Variants in ADORA2B observed in about 807,000 individuals in gnomAD.
ADORA2B encodes the protein adenosine A2b receptor, also known as adenosine receptor A2b.
In ADORA2B, 18 loss-of-function variants were observed where a neutral mutation model predicts 20.8. The ratio of observed to expected loss-of-function variants is 0.87; its 90% CI spans 0.60 to 1.29. The LOEUF (loss-of-function observed/expected upper bound fraction) is 1.29. Ranked by LOEUF, ADORA2B falls within the 50% of genes most tolerant of loss-of-function variation. The probability of loss-of-function intolerance (pLI) is 0.00; values close to 1 mark genes in which losing one functional copy is unlikely to be tolerated. For missense variants in ADORA2B, 441 were observed against 422.7 expected (o/e 1.04, Z -0.38); for synonymous variants, 179 against 178.3 (o/e 1.00, Z -0.03).
At chr17:15,922,486 C>G in the ADORA2B span, among the ~76,000 whole-genome samples, 1 of 152,006 alleles carries the variant, frequency 6.6e-6, no homozygotes, top group Non-Finnish European at 1.5e-5. Context: ...TTAGGGTAGC[C>G]ATAAAACCAA....
intron 1 of ADORA2B, among the ~76,000 whole-genome samples, chr17:15,949,571 C>T (rs1018308507): frequency 2.6e-5 from 4 of 151,674 alleles, no homozygotes; most frequent in Non-Finnish European, 4.4e-5. Flanking sequence ...TGGTAATGTT[C>T]GAAATAAAGC....
the ADORA2B span, among the ~76,000 whole-genome samples, chr17:15,867,557 C>G: frequency 6.6e-6 from 1 of 150,556 alleles, no homozygotes; most frequent in African/African-American, 2.5e-5. Flanking sequence ...GGCAGCCACC[C>G]CGTCCGGGAG....
At chr17:15,953,605 A>G (rs1969932852) in intron 1 of ADORA2B, among the ~76,000 whole-genome samples, 1 of 151,732 alleles carries the variant, frequency 6.6e-6, no homozygotes, top group East Asian at 1.9e-4. Context: ...TTATGTTTTG[A>G]TTTTTTTCCT....
At chr17:15,876,466 T>C in the ADORA2B span, among the ~76,000 whole-genome samples, 1 of 113,708 alleles carries the variant, frequency 8.8e-6, no homozygotes, top group African/African-American at 4.3e-5. Context: ...TTTTTTTTTG[T>C]CATGCTAGTC....
the ADORA2B span, among the ~76,000 whole-genome samples, chr17:15,850,832 TACTC>T: frequency 2.6e-5 from 4 of 152,336 alleles, no homozygotes; most frequent in Admixed American, 2.0e-4. Flanking sequence ...GTCCAACACT[TACTC>T]ATTTCACTTT....
the ADORA2B span, among the ~76,000 whole-genome samples, chr17:15,863,250 A>C: frequency 6.6e-6 from 1 of 152,174 alleles, no homozygotes; most frequent in East Asian, 1.9e-4. Context: ...AATTAGTAAA[A>C]TCAATTTATT....
At chr17:15,962,227 C>T (rs1462942932) in intron 1 of ADORA2B, among the ~76,000 whole-genome samples, 2 of 151,950 alleles carry the variant, frequency 1.3e-5, no homozygotes, top group South Asian at 2.1e-4. Flanking sequence ...TGCTTGAACC[C>T]GGGAGGCGGA....
chr17:15,853,571 T>C, the ADORA2B span, among the ~76,000 whole-genome samples: 1 of 152,346 alleles, frequency 6.6e-6, no homozygotes, highest in East Asian at 1.9e-4. Flanking sequence ...TAGAAAATGT[T>C]GATGAGATGG....
At chr17:15,913,189 G>A in the ADORA2B span, among the ~76,000 whole-genome samples, 1 of 152,230 alleles carries the variant, frequency 6.6e-6, no homozygotes, top group Non-Finnish European at 1.5e-5. Flanking sequence ...AGCCAGAAGG[G>A]CTTGGATTCT....
At chr17:15,888,018 G>A in the ADORA2B span, among the ~76,000 whole-genome samples, 1 of 110,608 alleles carries the variant, frequency 9.0e-6, no homozygotes, top group African/African-American at 4.1e-5. Flanking sequence ...AACTTGATTT[G>A]GGAGATAATG....
chr17:15,958,470 A>G (rs539589468), intron 1 of ADORA2B, among the ~76,000 whole-genome samples: 1 of 152,324 alleles, frequency 6.6e-6, no homozygotes, highest in South Asian at 2.1e-4. Context: ...TCTTTCTGAA[A>G]TGAACCCCTG....
chr17:15,872,030 A>G, the ADORA2B span, among the ~76,000 whole-genome samples: 2 of 152,224 alleles, frequency 1.3e-5, no homozygotes, highest in African/African-American at 4.8e-5. Flanking sequence ...TGCAAAGGCT[A>G]CATCTTGTTC....
chr17:15,852,795 A>G, the ADORA2B span, among the ~76,000 whole-genome samples: 6 of 152,276 alleles, frequency 3.9e-5, 1 homozygote, highest in South Asian at 1.2e-3. Context: ...AGACAAGTTG[A>G]TAGAAATATC....
intron 1 of ADORA2B, among the ~76,000 whole-genome samples, chr17:15,966,328 C>T (rs756657113): frequency 4.6e-5 from 7 of 152,222 alleles, no homozygotes; most frequent in Admixed American, 1.3e-4. Context: ...AGGTTGGAGG[C>T]GGGTTCTGGG....
intron 1 of ADORA2B, chr17:15,974,354 C>T (rs1273180166): frequency 4.0e-6 from 1 of 251,266 alleles, no homozygotes; most frequent in Non-Finnish European, 7.7e-6. Flanking sequence ...ACATATACTT[C>T]AAGTCACAGT....
the ADORA2B span, among the ~76,000 whole-genome samples, chr17:15,938,463 C>T: frequency 1.3e-5 from 2 of 152,062 alleles, no homozygotes; most frequent in African/African-American, 4.8e-5. Flanking sequence ...CCACCACGCC[C>T]GGCTAATGTT....
chr17:15,929,775 C>T, the ADORA2B span, among the ~76,000 whole-genome samples: 1 of 152,138 alleles, frequency 6.6e-6, no homozygotes, highest in Non-Finnish European at 1.5e-5. Context: ...CACAGAAAGA[C>T]AAATCCTGTG....
At chr17:15,886,068 G>A in the ADORA2B span, among the ~76,000 whole-genome samples, 2 of 152,222 alleles carry the variant, frequency 1.3e-5, no homozygotes, top group South Asian at 2.1e-4. Flanking sequence ...GAACTCAACT[G>A]TGGCTCATAT....
chr17:15,907,435 A>G, the ADORA2B span, among the ~76,000 whole-genome samples: 3 of 152,164 alleles, frequency 2.0e-5, no homozygotes, highest in African/African-American at 7.2e-5. Context: ...ATCCTTTCCT[A>G]CTATTCTCTT....
Sources: allele counts gnomAD v4.1 joint callset (sites outside exome capture counted in the v4.1 genomes callset), GRCh38; gene constraint gnomAD v4.1.1; transcripts MANE v1.5; gene names NCBI Gene and HGNC (gene_info 2026-07-23, HGNC 2026-07-21).